The following TENM3 variants were observed in gnomAD, a reference collection of about 807,000 sequenced individuals.
The protein encoded by TENM3 is teneurin transmembrane protein 3.
A neutral mutation model predicts 255.1 loss-of-function variants in TENM3; 63 were observed. The ratio of observed to expected loss-of-function variants is 0.25; its 90% CI spans 0.20 to 0.30. The LOEUF (loss-of-function observed/expected upper bound fraction) is 0.30, where lower values mean the gene tolerates loss of function less well. TENM3 is among the 10% of genes least tolerant of loss of function. The pLI, the probability that TENM3 is intolerant of heterozygous loss-of-function variation, is 1.00. For missense variants in TENM3, 2,929 were observed against 3,461.1 expected (o/e 0.85, Z 3.86); for synonymous variants, 1,306 against 1,322.3 (o/e 0.99, Z 0.27).
the TENM3 span, among the ~76,000 whole-genome samples, chr4:182,027,244 A>T: frequency 6.6e-6 from 1 of 152,048 alleles, no homozygotes; most frequent in Non-Finnish European, 1.5e-5. Context: ...GCTATTGTAA[A>T]TGGGATTACT....
At chr4:181,760,200 C>CA in the TENM3 span, among the ~76,000 whole-genome samples, 6,131 of 149,340 alleles carry the variant, frequency 0.041, 149 homozygotes, top group Middle Eastern at 0.1. Flanking sequence ...CCTCTTCCTC[C>CA]AAAAAAAAAA....
chr4:182,138,833 C>G, the TENM3 span, among the ~76,000 whole-genome samples: 1 of 152,108 alleles, frequency 6.6e-6, no homozygotes, highest in South Asian at 2.1e-4. Flanking sequence ...CATTATGATT[C>G]TGAGAAAAGT....
intron 3 of TENM3, among the ~76,000 whole-genome samples, chr4:182,365,258 G>A (rs904550751): frequency 5.3e-5 from 8 of 152,146 alleles, no homozygotes; most frequent in Admixed American, 6.5e-5. Context: ...TGAAGAAATG[G>A]GTCACTCAGG....
At chr4:182,765,422 T>C (rs1302953937) in intron 22 of TENM3, among the ~76,000 whole-genome samples, 2 of 152,218 alleles carry the variant, frequency 1.3e-5, no homozygotes, top group South Asian at 2.1e-4. Context: ...GTGTCTTCCC[T>C]TGTATTTTGC....
At chr4:182,185,656 C>T (rs923836237) in intron 1 of TENM3, among the ~76,000 whole-genome samples, 73 of 152,286 alleles carry the variant, frequency 4.8e-4, no homozygotes, top group Non-Finnish European at 3.5e-4. Flanking sequence ...TTCAAAGTAG[C>T]ACAGAGCACT....
the TENM3 span, among the ~76,000 whole-genome samples, chr4:181,761,282 A>G: frequency 2.6e-5 from 4 of 152,102 alleles, no homozygotes; most frequent in African/African-American, 7.2e-5. Flanking sequence ...TACACGAGAG[A>G]TGAATCATCT....
chr4:181,858,531 A>G, the TENM3 span, among the ~76,000 whole-genome samples: 1 of 152,206 alleles, frequency 6.6e-6, no homozygotes, highest in Non-Finnish European at 1.5e-5. Flanking sequence ...GGTAGGAGAC[A>G]CAGAGAAGCA....
chr4:181,651,325 CA>C, the TENM3 span, among the ~76,000 whole-genome samples: 1 of 152,114 alleles, frequency 6.6e-6, no homozygotes, highest in Non-Finnish European at 1.5e-5. Flanking sequence ...TGATGGCCGG[CA>C]CGGTGGCTCA....
At chr4:181,764,940 C>T in the TENM3 span, among the ~76,000 whole-genome samples, 1 of 152,216 alleles carries the variant, frequency 6.6e-6, no homozygotes, top group South Asian at 2.1e-4. Context: ...AGGGATCCTC[C>T]CACCTCAGGC....
At chr4:181,794,802 C>T in the TENM3 span, among the ~76,000 whole-genome samples, 2 of 152,040 alleles carry the variant, frequency 1.3e-5, no homozygotes, top group Non-Finnish European at 2.9e-5. Context: ...AAGAAAATCA[C>T]ACTTAGGATT....
At chr4:182,781,008 A>G (rs937755265) in intron 24 of TENM3, among the ~76,000 whole-genome samples, 4 of 151,112 alleles carry the variant, frequency 2.6e-5, no homozygotes, top group African/African-American at 4.9e-5. Context: ...GCAAACAGGG[A>G]CAATTTGACT....
the TENM3 span, among the ~76,000 whole-genome samples, chr4:182,025,191 G>T: frequency 6.6e-6 from 1 of 152,046 alleles, no homozygotes; most frequent in East Asian, 1.9e-4. Context: ...ACCACGCCCG[G>T]CTAATTTTTT....
the TENM3 span, among the ~76,000 whole-genome samples, chr4:181,599,646 C>G: frequency 6.6e-6 from 1 of 152,062 alleles, no homozygotes; most frequent in East Asian, 1.9e-4. Flanking sequence ...TGTGCTTATT[C>G]TATCTGGGCA....
the TENM3 span, among the ~76,000 whole-genome samples, chr4:182,103,954 T>C: frequency 3.3e-5 from 5 of 152,278 alleles, no homozygotes; most frequent in Admixed American, 2.0e-4. Flanking sequence ...CCTTCCAGAG[T>C]CCAGGTGTCT....
intron 13 of TENM3, among the ~76,000 whole-genome samples, chr4:182,725,377 A>G (rs1300193657): frequency 6.6e-6 from 1 of 152,092 alleles, no homozygotes; most frequent in African/African-American, 2.4e-5. Flanking sequence ...TCAACAGTCT[A>G]CTACTTCAGA....
the TENM3 span, among the ~76,000 whole-genome samples, chr4:181,838,173 GAGAA>G: frequency 6.6e-6 from 1 of 150,744 alleles, no homozygotes; most frequent in African/African-American, 2.4e-5. Flanking sequence ...AGAAAGAAAA[GAGAA>G]AGAAAACCTT....
the TENM3 span, among the ~76,000 whole-genome samples, chr4:181,947,985 C>G: frequency 6.6e-6 from 1 of 152,108 alleles, no homozygotes; most frequent in South Asian, 2.1e-4. Flanking sequence ...CTCACAACCT[C>G]TCAAGTTTGG....
At chr4:181,968,516 G>C in the TENM3 span, among the ~76,000 whole-genome samples, 2 of 152,064 alleles carry the variant, frequency 1.3e-5, no homozygotes, top group Non-Finnish European at 2.9e-5. Flanking sequence ...TTCTTCTTTG[G>C]TTTGCTTCCA....
At chr4:182,248,679 G>T (rs1440242213) in intron 1 of TENM3, among the ~76,000 whole-genome samples, 1 of 152,132 alleles carries the variant, frequency 6.6e-6, no homozygotes, top group Non-Finnish European at 1.5e-5. Flanking sequence ...TTACAAAGGA[G>T]ACCACGATTT....
Sources: allele counts gnomAD v4.1 joint callset (sites outside exome capture counted in the v4.1 genomes callset), GRCh38; gene constraint gnomAD v4.1.1; transcripts MANE v1.5; gene names NCBI Gene and HGNC (gene_info 2026-07-23, HGNC 2026-07-21).